The following FAM114A1 variants were observed in gnomAD, a reference collection of about 807,000 sequenced individuals.
FAM114A1 encodes protein NOXP20.
FAM114A1 carries 62 observed loss-of-function variants against 64.3 expected under a neutral mutation model. The ratio of observed to expected loss-of-function variants is 0.96; its 90% CI spans 0.79 to 1.19. FAM114A1 has a LOEUF of 1.19. Among genes scored for constraint, FAM114A1 ranks in the 50% most tolerant of loss-of-function variants. The pLI is 0.00. For missense variants in FAM114A1, 645 were observed against 676.3 expected (o/e 0.95, Z 0.51); for synonymous variants, 254 against 251.1 (o/e 1.01, Z -0.11).
chr4:38,931,107 T>C (rs1560330223), intron 10 of FAM114A1, among the ~76,000 whole-genome samples: 3 of 152,232 alleles, frequency 2.0e-5, no homozygotes, highest in Non-Finnish European at 4.4e-5. Context: ...ATTATTCTTT[T>C]ATAGATGGTC....
intron 2 of FAM114A1, among the ~76,000 whole-genome samples, chr4:38,873,362 G>A (rs184561973): frequency 1.4e-4 from 21 of 152,348 alleles, no homozygotes; most frequent in Admixed American, 3.9e-4. Flanking sequence ...ACCATCTGCT[G>A]TAAGAGAGCT....
intron 7 of FAM114A1, among the ~76,000 whole-genome samples, chr4:38,914,066 C>T (rs1718809156): frequency 6.6e-6 from 1 of 152,030 alleles, no homozygotes; most frequent in Admixed American, 6.6e-5. Flanking sequence ...TACCCTTGCA[C>T]TCCAGCCTGG....
At chr4:38,928,567 C>G (rs1343476495) in intron 9 of FAM114A1, among the ~76,000 whole-genome samples, 1 of 152,008 alleles carries the variant, frequency 6.6e-6, no homozygotes, top group Non-Finnish European at 1.5e-5. Flanking sequence ...TTCATTTTAG[C>G]ACCTATGATA....
At position 38,915,181 on chromosome 4, in the gene FAM114A1, T is replaced by C. The variant is rs1718927476; in HGVS notation, c.945+108T>C. Reference sequence around the variant, plus strand: ...AAAGATCTCATTTTTAGAGCCTCATTATTATTGTGCTGAGGTCAGAAATAC... The same window carrying C: ...AAAGATCTCATTTTTAGAGCCTCATCATTATTGTGCTGAGGTCAGAAATAC... On this transcript the variant is annotated intron_variant, in intron 8 of 14. Transcript: ENST00000358869. 1.7e-5 allele frequency: 23 copies of C among 1,382,444 alleles called. No individual in the cohort carries two copies. In the South Asian group the frequency reaches 2.9e-4, roughly 18 times the overall value. The allele number at this position is 1,382,444 out of a possible 1,614,324, so 85.6% of individuals were successfully genotyped here. A position where few individuals can be genotyped will look rare whatever the true frequency, so the allele number is the denominator to read the frequency against.
chr4:38,903,885 A>G (rs1717743832), intron 4 of FAM114A1, among the ~76,000 whole-genome samples: 5 of 152,220 alleles, frequency 3.3e-5, no homozygotes, highest in Non-Finnish European at 7.3e-5. Flanking sequence ...GGTGATTTCC[A>G]TTGGACATAA....
chr4:38,939,716 G>A (rs1721434118), intron 13 of FAM114A1, among the ~76,000 whole-genome samples: 2 of 152,016 alleles, frequency 1.3e-5, no homozygotes, highest in Admixed American at 1.3e-4. Flanking sequence ...AACTCTTCCA[G>A]GTACTATAAG....
chr4:38,929,302 A>C lies in FAM114A1; in HGVS notation c.1130A>C (p.His377Pro). 1.2e-6 allele frequency: 2 copies of C among 1,613,992 alleles called. No individual in the cohort carries two copies. The highest frequency in any genetic ancestry group is 1.7e-6 in the Non-Finnish European group (2 of 1,179,892). The change falls in exon 10 of 15, where the codon CAT (histidine) becomes CCT (proline). Residue 377 changes from histidine (H) to proline (P), a missense_variant. By Grantham distance (77) the His-to-Pro change is moderately conservative. Transcript: ENST00000358869. ...RMLTELLFELHVAATPDKLNK... is the reference protein window; with the variant it reads ...RMLTELLFELPVAATPDKLNK... ...CTTACAGAGCTTCTCTTTGAATTACATGTGGCGGCCACACCTGACAAACTC... is the reference window on the plus strand; with the variant it reads ...CTTACAGAGCTTCTCTTTGAATTACCTGTGGCGGCCACACCTGACAAACTC...
intron 4 of FAM114A1, among the ~76,000 whole-genome samples, chr4:38,895,258 A>AG (rs1387181674): frequency 6.6e-6 from 1 of 152,222 alleles, no homozygotes; most frequent in East Asian, 1.9e-4. Flanking sequence ...TTGAAGTTGT[A>AG]GGACTGAGGT....
chr4:38,916,768 C>T (rs1449018049), intron 8 of FAM114A1, among the ~76,000 whole-genome samples: 3 of 152,076 alleles, frequency 2.0e-5, no homozygotes, highest in African/African-American at 7.2e-5. Flanking sequence ...GTTAACAAAC[C>T]TTCACGTTCT....
intron 8 of FAM114A1, among the ~76,000 whole-genome samples, chr4:38,921,216 T>G (rs1719558722): frequency 6.6e-6 from 1 of 152,346 alleles, no homozygotes; most frequent in Middle Eastern, 3.4e-3. Context: ...CTGTGCCCTT[T>G]TACCATTTTG....
chr4:38,913,816 G>A lies in FAM114A1; in HGVS notation c.793-1105G>A, dbSNP rs182575487. ...CAAAATTTTTAAAATATTAAAACTC[G>A]GCCAGGTGCAGTGGCTCACGCCTGT... On this transcript the variant is annotated intron_variant, in intron 7 of 14. Transcript: ENST00000358869. Among the ~76,000 whole-genome samples the A allele has an allele frequency of 3.4e-3, 516 of 152,144 alleles. 2 individuals are homozygous for A. The highest frequency in any genetic ancestry group is 7.0e-3 in the Admixed American group (107 of 15,286).
At chr4:38,929,699 C>T (rs1474718411) in intron 10 of FAM114A1, among the ~76,000 whole-genome samples, 2 of 152,196 alleles carry the variant, frequency 1.3e-5, no homozygotes, top group South Asian at 2.1e-4. Flanking sequence ...ATCGCTTGAA[C>T]CCAGGAGGCC....
intron 13 of FAM114A1, among the ~76,000 whole-genome samples, chr4:38,940,116 C>T (rs183118311): frequency 7.9e-4 from 120 of 152,236 alleles, no homozygotes; most frequent in African/African-American, 2.7e-3. Context: ...GTCTCAAACT[C>T]CTGACCTCAG....
At chr4:38,873,471 T>A (rs74999968) in intron 2 of FAM114A1, among the ~76,000 whole-genome samples, 5 of 152,178 alleles carry the variant, frequency 3.3e-5, no homozygotes, top group Non-Finnish European at 7.4e-5. Flanking sequence ...ATGTAGAATA[T>A]GAATACAAAA....
intron 12 of FAM114A1, among the ~76,000 whole-genome samples, chr4:38,934,437 C>T (rs1242874475): frequency 6.6e-6 from 1 of 152,086 alleles, no homozygotes; most frequent in Non-Finnish European, 1.5e-5. Context: ...GTGGATATAG[C>T]TCATAAAACC....
intron 4 of FAM114A1, 72 bp downstream of exon 4, chr4:38,891,902 T>G (rs1191111108): frequency 5.1e-6 from 7 of 1,381,406 alleles, no homozygotes; most frequent in Middle Eastern, 1.9e-4. Flanking sequence ...TTGATCGTAC[T>G]GTATACTAAT....
chr4:38,891,637 G>A (rs1716402703), intron 3 of FAM114A1, 106 bp from the exon 4 acceptor site: 1 of 924,100 alleles, frequency 1.1e-6, no homozygotes, highest in Non-Finnish European at 1.6e-6. Context: ...AGATACGGTT[G>A]TTGGTGATTC....
intron 9 of FAM114A1, chr4:38,928,958 G>A (rs1241414971): frequency 9.6e-6 from 4 of 415,082 alleles, no homozygotes; most frequent in Non-Finnish European, 1.8e-5. Flanking sequence ...AACAAGACAA[G>A]CGAGGTCCCT....
In FAM114A1 at chr4:38,908,583, C is replaced by T. The variant is rs775592822; in HGVS notation, c.658-9C>T. On this transcript the variant is annotated splice_polypyrimidine_tract_variant and intron_variant, in intron 6 of 14. Coordinates refer to ENST00000358869, the MANE Select transcript of FAM114A1 (RefSeq NM_138389.4). ...AACATCTAATCTCATGCAGTTATCTCATCTGCAGGGTAAAAGTGTCTTAAC... is the reference window on the plus strand; with the variant it reads ...AACATCTAATCTCATGCAGTTATCTTATCTGCAGGGTAAAAGTGTCTTAAC... The T allele has an allele frequency of 2.5e-6, 4 of 1,603,420 alleles. No homozygotes were observed. In the South Asian group the frequency reaches 3.3e-5, roughly 13 times the overall value.
Sources: gnomAD v4.1 joint callset for allele counts (sites outside exome capture counted in the v4.1 genomes callset) on GRCh38, gnomAD v4.1.1 for gene constraint, MANE v1.5 for transcripts, NCBI Gene and HGNC (gene_info 2026-07-23, HGNC 2026-07-21) for gene names.